Variants in MYO1E observed in about 807,000 individuals in gnomAD.
MYO1E encodes unconventional myosin-Ie.
Under a neutral mutation model 151.1 loss-of-function variants are expected in MYO1E, and 68 were observed. That is an observed-to-expected ratio of 0.45 (90% confidence interval 0.37 to 0.55). The LOEUF is 0.55. Among genes scored for constraint, MYO1E ranks in the 20% least tolerant of loss-of-function variants. The pLI, the probability that MYO1E is intolerant of heterozygous loss-of-function variation, is 0.00. For synonymous variants in MYO1E, 601 were observed against 501.7 expected (o/e 1.20, Z -2.64); for missense variants, 1,363 against 1,389.3 (o/e 0.98, Z 0.30).
intron 1 of MYO1E, among the ~76,000 whole-genome samples, chr15:59,314,474 A>G (rs760969963): frequency 1.6e-4 from 24 of 152,158 alleles, no homozygotes; most frequent in Non-Finnish European, 3.2e-4. Context: ...GGTAGCAGCC[A>G]TGATGGTTAA....
At chr15:59,179,444 G>A (rs1012862332) in intron 18 of MYO1E, among the ~76,000 whole-genome samples, 2 of 152,122 alleles carry the variant, frequency 1.3e-5, no homozygotes, top group Admixed American at 6.5e-5. Flanking sequence ...TACATCCAGA[G>A]CCTTAAACCG....
At chr15:59,183,550 G>A (rs1278948059) in intron 18 of MYO1E, among the ~76,000 whole-genome samples, 2 of 152,012 alleles carry the variant, frequency 1.3e-5, no homozygotes, top group African/African-American at 4.8e-5. Flanking sequence ...CATATTTATG[G>A]GTTGCATGAG....
intron 3 of MYO1E, among the ~76,000 whole-genome samples, chr15:59,258,085 G>T (rs148125607): frequency 6.6e-6 from 1 of 152,184 alleles, no homozygotes; most frequent in Non-Finnish European, 1.5e-5. Flanking sequence ...CCTGGCTCAG[G>T]CCTGTAATCT....
chr15:59,220,113 G>C (rs780342488), intron 9 of MYO1E, among the ~76,000 whole-genome samples: 3 of 152,160 alleles, frequency 2.0e-5, no homozygotes, highest in Non-Finnish European at 2.9e-5. Flanking sequence ...TTTGACCAGG[G>C]AAATGCTACA....
At chr15:59,174,085 T>C (rs771119267) in intron 20 of MYO1E, 41 bp downstream of exon 20, 2 of 1,564,224 alleles carry the variant, frequency 1.3e-6, no homozygotes, top group Non-Finnish European at 1.8e-6. Context: ...AATTTACTCT[T>C]CAGATTTATT....
At position 59,323,134 on chromosome 15, in the gene MYO1E, A is replaced by G. The variant is rs559552772; in HGVS notation, c.3+49364T>C. 6.5e-5 allele frequency among the ~76,000 whole-genome samples: 9 copies of G among 137,406 alleles called. No homozygotes were observed. In the Admixed American group the frequency reaches 7.2e-4, roughly 11 times the overall value. 90.1% of individuals were successfully genotyped at this position (137,406 alleles called of 152,430 possible). ...CAGTGAGCCGAGATCGCACCACTGC[A>G]CTCCAGCCTGGGCGACAGAGCAAGA... On this transcript the variant is annotated intron_variant, in intron 1 of 27. Coordinates refer to ENST00000288235, the MANE Select transcript of MYO1E (RefSeq NM_004998.4).
chr15:59,265,286 G>A lies in MYO1E; in HGVS notation c.148-3777C>T, dbSNP rs538865918. On this transcript the variant is annotated intron_variant, in intron 2 of 27. Transcript: ENST00000288235. ...TTGATCACTGCACACAAAGAATAAA[G>A]GGCTGCCCTCAGGACAACAGACAAA... Among the ~76,000 whole-genome samples, 30 of 152,220 alleles carry A rather than the reference G, an allele frequency of 2.0e-4. 1 individual carries two copies. In the South Asian group the frequency reaches 3.1e-3, roughly 16 times the overall value.
intron 6 of MYO1E, among the ~76,000 whole-genome samples, chr15:59,230,319 A>G (rs1331307827): frequency 6.6e-6 from 1 of 151,806 alleles, no homozygotes; most frequent in Non-Finnish European, 1.5e-5. Context: ...AAATTTTGCA[A>G]TTAGAAAAAT....
intron 12 of MYO1E, among the ~76,000 whole-genome samples, chr15:59,212,056 A>G (rs1350168745): frequency 6.6e-6 from 1 of 152,040 alleles, no homozygotes; most frequent in African/African-American, 2.4e-5. Flanking sequence ...TGTAACACCC[A>G]AAGTCTCAGC....
intron 1 of MYO1E, among the ~76,000 whole-genome samples, chr15:59,305,493 C>T (rs2080509680): frequency 6.6e-6 from 1 of 152,172 alleles, no homozygotes; most frequent in African/African-American, 2.4e-5. Flanking sequence ...CCACGCCCAG[C>T]CTATTCCACA....
At chr15:59,281,210 C>G (rs896426385) in intron 1 of MYO1E, among the ~76,000 whole-genome samples, 1 of 152,190 alleles carries the variant, frequency 6.6e-6, no homozygotes, top group African/African-American at 2.4e-5. Context: ...TGCGATATGT[C>G]TGCCCTGGGA....
chr15:59,175,574 A>T (rs113634616), intron 19 of MYO1E, among the ~76,000 whole-genome samples: 1 of 152,338 alleles, frequency 6.6e-6, no homozygotes, highest in Non-Finnish European at 1.5e-5. Context: ...AACAATAGGC[A>T]TAAGGACAGA....
At chr15:59,278,026 A>G (rs1420856057) in intron 1 of MYO1E, among the ~76,000 whole-genome samples, 2 of 152,232 alleles carry the variant, frequency 1.3e-5, no homozygotes, top group East Asian at 1.9e-4. Flanking sequence ...TAAAATAAAT[A>G]GAAACATCAA....
At chr15:59,279,088 T>G (rs1272576636) in intron 1 of MYO1E, among the ~76,000 whole-genome samples, 1 of 152,206 alleles carries the variant, frequency 6.6e-6, no homozygotes, top group African/African-American at 2.4e-5. Flanking sequence ...ATTCATTATT[T>G]GTGTAGCATT....
At chr15:59,253,237 G>T (rs1191839571) in intron 4 of MYO1E, among the ~76,000 whole-genome samples, 1 of 152,202 alleles carries the variant, frequency 6.6e-6, no homozygotes, top group African/African-American at 2.4e-5. Flanking sequence ...CCAGTGTTTT[G>T]TCTAATTTTC....
chr15:59,295,170 G>C (rs1384128651), intron 1 of MYO1E, among the ~76,000 whole-genome samples: 1 of 152,064 alleles, frequency 6.6e-6, no homozygotes, highest in African/African-American at 2.4e-5. Flanking sequence ...ATCACTAAAA[G>C]TTGAGTCATC....
At chr15:59,142,098 C>T (rs1267297896) in intron 26 of MYO1E, among the ~76,000 whole-genome samples, 1 of 151,598 alleles carries the variant, frequency 6.6e-6, no homozygotes, top group African/African-American at 2.4e-5. Context: ...CGGAGTGAGA[C>T]TCCATCCCAA....
chr15:59,318,640 G>A (rs1321459999), intron 1 of MYO1E, among the ~76,000 whole-genome samples: 1 of 152,196 alleles, frequency 6.6e-6, no homozygotes, highest in Non-Finnish European at 1.5e-5. Flanking sequence ...TTTTACTGCA[G>A]TTTGGGGGTA....
chr15:59,208,508 C>A (rs2140338797), intron 14 of MYO1E, 173 bp downstream of exon 14: 2 of 748,210 alleles, frequency 2.7e-6, no homozygotes, highest in Non-Finnish European at 2.2e-6. Flanking sequence ...AATGTACATA[C>A]AAAAAAATGC....
Sources: gnomAD v4.1 joint callset for allele counts (sites outside exome capture counted in the v4.1 genomes callset) on GRCh38, gnomAD v4.1.1 for gene constraint, MANE v1.5 for transcripts, NCBI Gene and HGNC (gene_info 2026-07-23, HGNC 2026-07-21) for gene names.